The following TRDN variants were observed in gnomAD, a reference collection of about 807,000 sequenced individuals.
TRDN encodes the protein triadin in skeletal muscle.
Under a neutral mutation model 149.7 loss-of-function variants are expected in TRDN, and 161 were observed. The observed-to-expected ratio is 1.08, with a 90% CI of 0.95 to 1.23. The LOEUF is 1.23. Ranked by LOEUF, TRDN falls within the 50% of genes most tolerant of loss-of-function variation. The probability of loss-of-function intolerance (pLI) is 0.00; values close to 1 mark genes in which losing one functional copy is unlikely to be tolerated. For synonymous variants in TRDN, 294 were observed against 250.5 expected, an observed-to-expected ratio of 1.17 and a Z score of -1.64; for missense variants, 896 against 823.5, an observed-to-expected ratio of 1.09 and a Z score of -1.08.
chr6:123,243,175 C>T (rs1040431449), intron 38 of TRDN, among the ~76,000 whole-genome samples: 9 of 152,104 alleles, frequency 5.9e-5, no homozygotes, highest in Non-Finnish European at 1.3e-4. Context: ...AGAGTGGTCC[C>T]ATCATCCTTA....
At chr6:123,344,092 G>T (rs1360227255) in intron 21 of TRDN, among the ~76,000 whole-genome samples, 1 of 151,996 alleles carries the variant, frequency 6.6e-6, no homozygotes, top group Admixed American at 6.6e-5. Context: ...CTGATTTTAG[G>T]CTTCCAGCCT....
At chr6:123,274,735 T>C in intron 26 of TRDN, 65 bp from the exon 27 acceptor site, 1 of 1,426,644 alleles carries the variant, frequency 7.0e-7, no homozygotes, top group Non-Finnish European at 9.7e-7. Flanking sequence ...AAATTAATTT[T>C]TAGAAATAAT....
At chr6:123,438,892 T>A in intron 11 of TRDN, 52 bp downstream of exon 11, 1 of 1,378,470 alleles carries the variant, frequency 7.3e-7, no homozygotes, top group South Asian at 1.4e-5. Context: ...CCAGTAGTAT[T>A]ATGCATGGAC....
intron 14 of TRDN, among the ~76,000 whole-genome samples, chr6:123,385,068 G>A (rs374839900): frequency 1.2e-4 from 18 of 152,130 alleles, no homozygotes; most frequent in Admixed American, 5.9e-4. Context: ...TGTTCAATCC[G>A]TCATTCACTC....
intron 12 of TRDN, among the ~76,000 whole-genome samples, chr6:123,403,829 C>A (rs1773085814): frequency 1.3e-5 from 2 of 151,514 alleles, no homozygotes; most frequent in Non-Finnish European, 2.9e-5. Flanking sequence ...TAAAAAAATA[C>A]AGGAGAAAAG....
At chr6:123,521,009 T>G (rs1299376892) in intron 5 of TRDN, among the ~76,000 whole-genome samples, 1 of 152,166 alleles carries the variant, frequency 6.6e-6, no homozygotes, top group East Asian at 1.9e-4. Context: ...TTCAGGATAT[T>G]TAAATATATT....
At chr6:123,522,789 C>T (rs570257766) in intron 5 of TRDN, among the ~76,000 whole-genome samples, 9 of 152,168 alleles carry the variant, frequency 5.9e-5, no homozygotes, top group Middle Eastern at 6.8e-3. Context: ...AAGAATACTT[C>T]GTTCACAAAT....
intron 10 of TRDN, among the ~76,000 whole-genome samples, chr6:123,446,886 A>G (rs1775410625): frequency 6.6e-6 from 1 of 151,266 alleles, no homozygotes; most frequent in African/African-American, 2.4e-5. Flanking sequence ...AGGGAAAAAA[A>G]TAATTCAGAA....
intron 9 of TRDN, among the ~76,000 whole-genome samples, chr6:123,489,915 T>A (rs1353403632): frequency 6.6e-6 from 1 of 152,096 alleles, no homozygotes; most frequent in Admixed American, 6.6e-5. Context: ...TACAGCCTAC[T>A]TTGTTTCACT....
rs142257530 is a variant in TRDN at position 123,404,429 on chromosome 6, C to T, written c.1052-10752G>A. Among the ~76,000 whole-genome samples, 24 of 152,110 alleles carry T rather than the reference C, an allele frequency of 1.6e-4. No homozygotes were observed. In the East Asian group the frequency reaches 4.6e-3, roughly 29 times the overall value. On this transcript the variant is annotated intron_variant, in intron 12 of 40. Coordinates refer to ENST00000334268, the MANE Select transcript of TRDN (RefSeq NM_006073.4). Reference sequence around the variant, plus strand: ...CTTTTTTAATTTTAGAGACTGTGGACTTTTTGTAATGTGTGGTGAACTATT... The same window carrying T: ...CTTTTTTAATTTTAGAGACTGTGGATTTTTTGTAATGTGTGGTGAACTATT...
rs983175537 is a variant in TRDN, at chr6:123,259,829, C to A, written c.1832-167G>T. On this transcript the variant is annotated intron_variant, in intron 34 of 40. Transcript: ENST00000334268. The stretch of plus-strand genomic sequence containing the variant: ...TTGGTCATTCTGTTTATGTAGTCAC[C>A]TATAGGGTCAAAATTTCTCCTCCTC... Among the ~76,000 whole-genome samples, 7 of 151,934 alleles carry A rather than the reference C, an allele frequency of 4.6e-5. No homozygotes were observed. In the East Asian group the frequency reaches 1.2e-3, roughly 25 times the overall value.
At chr6:123,292,121 T>C (rs183106688) in intron 24 of TRDN, among the ~76,000 whole-genome samples, 1 of 152,332 alleles carries the variant, frequency 6.6e-6, no homozygotes, top group Non-Finnish European at 1.5e-5. Flanking sequence ...TCTTGATTTT[T>C]GTTTTGTATT....
intron 2 of TRDN, among the ~76,000 whole-genome samples, chr6:123,563,409 G>A (rs1003266240): frequency 1.3e-5 from 2 of 152,112 alleles, no homozygotes; most frequent in African/African-American, 4.8e-5. Flanking sequence ...ATGAAAATTA[G>A]GGCATCATAT....
In TRDN at chr6:123,430,526, A is replaced by G. The variant is rs556822888; in HGVS notation, c.1051+7537T>C. Among the ~76,000 whole-genome samples the G allele has an allele frequency of 4.1e-4, 63 of 151,988 alleles. 1 individual carries two copies. In the East Asian group the frequency reaches 4.3e-3, roughly 10 times the overall value. On this transcript the variant is annotated intron_variant, in intron 12 of 40. Coordinates refer to ENST00000334268, the MANE Select transcript of TRDN (RefSeq NM_006073.4). ...GAACACGGGAGGCGGAGGTTGCAGT[A>G]AGCCGAGATCGCGCCACTGCACTCC...
At chr6:123,377,262 G>C (rs10747264) in intron 18 of TRDN, among the ~76,000 whole-genome samples, 52,475 of 152,046 alleles carry the variant, frequency 0.35, 9,480 homozygotes, top group Middle Eastern at 0.43. Flanking sequence ...ATATTTGCTG[G>C]AAGTGATTAT....
intron 24 of TRDN, among the ~76,000 whole-genome samples, chr6:123,301,776 T>TATATACATATATATACATATAC: frequency 7.2e-6 from 1 of 139,844 alleles, no homozygotes; most frequent in African/African-American, 2.6e-5. Flanking sequence ...TATACATATA[T>TATATACATATATATACATATAC]ATATATATAT....
chr6:123,465,690 T>G (rs1434712308), intron 9 of TRDN, among the ~76,000 whole-genome samples: 1 of 149,514 alleles, frequency 6.7e-6, no homozygotes, highest in East Asian at 2.0e-4. Flanking sequence ...ACCAATACCA[T>G]CCAGGCCATG....
chr6:123,483,188 C>G (rs909533776), intron 9 of TRDN, among the ~76,000 whole-genome samples: 4 of 151,110 alleles, frequency 2.6e-5, no homozygotes, highest in African/African-American at 9.7e-5. Flanking sequence ...CTACAAGCTC[C>G]GCCTCCCAGG....
intron 38 of TRDN, among the ~76,000 whole-genome samples, chr6:123,228,893 G>A (rs1440054415): frequency 6.6e-6 from 1 of 151,818 alleles, no homozygotes; most frequent in Admixed American, 6.6e-5. Flanking sequence ...TGCTAAATGT[G>A]TCCCTCTGCA....
Sources: gnomAD v4.1 joint callset for allele counts (sites outside exome capture counted in the v4.1 genomes callset) on GRCh38, gnomAD v4.1.1 for gene constraint, MANE v1.5 for transcripts, NCBI Gene and HGNC (gene_info 2026-07-23, HGNC 2026-07-21) for gene names.